The following CBFA2T2 variants were observed in gnomAD, a reference collection of about 807,000 sequenced individuals.
The protein encoded by CBFA2T2 is CBFA2/RUNX1 partner transcriptional co-repressor 2.
In CBFA2T2, 11 loss-of-function variants were observed where a neutral mutation model predicts 62.2. The observed-to-expected ratio is 0.18, with a 90% confidence interval of 0.11 to 0.29. The LOEUF (loss-of-function observed/expected upper bound fraction) is 0.29, where lower values mean the gene tolerates loss of function less well. Among genes scored for constraint, CBFA2T2 ranks in the 10% least tolerant of loss-of-function variants. CBFA2T2 has a pLI of 1.00. For missense variants in CBFA2T2, 592 were observed against 774.1 expected (o/e 0.76, Z 2.79); for synonymous variants, 295 against 287.5 (o/e 1.03, Z -0.27).
At chr20:33,577,945 T>C (rs1423068114) in intron 1 of CBFA2T2, among the ~76,000 whole-genome samples, 2 of 152,220 alleles carry the variant, frequency 1.3e-5, no homozygotes, top group Non-Finnish European at 2.9e-5. Context: ...GCTATTACTA[T>C]TATAGTTATT....
chr20:33,600,533 T>C, intron 1 of CBFA2T2: 1 of 371,046 alleles, frequency 2.7e-6, no homozygotes, highest in Non-Finnish European at 5.3e-6. Context: ...AACATTTACC[T>C]ATGCTTGGCA....
intron 1 of CBFA2T2, among the ~76,000 whole-genome samples, chr20:33,515,883 C>T (rs551279883): frequency 6.6e-6 from 1 of 151,328 alleles, no homozygotes; most frequent in East Asian, 1.9e-4. Context: ...ATTACAGTGT[C>T]GAGAAGGCTC....
intron 1 of CBFA2T2, among the ~76,000 whole-genome samples, chr20:33,495,561 G>A (rs779783171): frequency 3.3e-5 from 5 of 151,704 alleles, no homozygotes; most frequent in African/African-American, 4.8e-5. Context: ...GCGTGGTGGC[G>A]GGTTCCTGTA....
chr20:33,560,922 G>C (rs1403104807), intron 1 of CBFA2T2, among the ~76,000 whole-genome samples: 2 of 152,044 alleles, frequency 1.3e-5, no homozygotes, highest in African/African-American at 4.8e-5. Context: ...TCTGTCACCA[G>C]GCTGGAGTGC....
In CBFA2T2 at chr20:33,536,275, C is replaced by T. The variant is rs1336444162; in HGVS notation, c.34+45974C>T. Among the ~76,000 whole-genome samples, 6 of 146,916 alleles carry T rather than the reference C, an allele frequency of 4.1e-5. No individual in the cohort carries two copies. In the East Asian group the frequency reaches 5.9e-4, roughly 15 times the overall value. Reference sequence around the variant, plus strand: ...GCAGAGGCGCCCCTCATCTCCCAGACGGGGCGGCTGGCCGGGCGGGGGGCT... The same window carrying T: ...GCAGAGGCGCCCCTCATCTCCCAGATGGGGCGGCTGGCCGGGCGGGGGGCT... On this transcript the variant is annotated intron_variant, in intron 1 of 10. Coordinates refer to ENST00000342704, the MANE Select transcript of CBFA2T2 (RefSeq NM_001032999.3).
intron 6 of CBFA2T2, among the ~76,000 whole-genome samples, chr20:33,627,177 C>T (rs7264170): frequency 5.1e-3 from 769 of 152,116 alleles, no homozygotes; most frequent in Non-Finnish European, 6.7e-3. Flanking sequence ...GTGGGCGAAT[C>T]GTGAGGTCAG....
chr20:33,511,207 G>T (rs2146854445), intron 1 of CBFA2T2, among the ~76,000 whole-genome samples: 1 of 152,206 alleles, frequency 6.6e-6, no homozygotes, highest in Middle Eastern at 3.4e-3. Flanking sequence ...TGAAGTCCTT[G>T]CCCATACCTG....
chr20:33,522,243 G>A (rs148545892), intron 1 of CBFA2T2, among the ~76,000 whole-genome samples: 211 of 149,402 alleles, frequency 1.4e-3, no homozygotes, highest in African/African-American at 4.9e-3. Flanking sequence ...CCAGGGCCTG[G>A]TTCCTTGGAG....
intron 10 of CBFA2T2, among the ~76,000 whole-genome samples, chr20:33,642,317 T>C (rs2016888512): frequency 6.6e-6 from 1 of 152,154 alleles, no homozygotes; most frequent in East Asian, 1.9e-4. Context: ...GAATTGTTTT[T>C]GAGGCTGGGC....
At position 33,644,364 on chromosome 20, in the gene CBFA2T2, C is replaced by A. The variant is rs772174226; in HGVS notation, c.1506C>A (p.Gly502=). 1.2e-6 allele frequency: 2 copies of A among 1,611,008 alleles called. No homozygotes were observed. Among genetic ancestry groups the A allele is most frequent in the South Asian group, 1.1e-5 (1 of 90,900 alleles). ...EESTENCWNC[G]RKASETCSGC... Reference sequence around the variant, plus strand: ...TCTTGCAGAACTGCTGGAACTGTGGCCGCAAAGCCAGCGAGACATGCAGTG... The same window carrying A: ...TCTTGCAGAACTGCTGGAACTGTGGACGCAAAGCCAGCGAGACATGCAGTG... Residue 502 remains glycine, a synonymous_variant, in exon 11 of 11, where the codon GGC becomes GGA. Coordinates refer to ENST00000342704, the MANE Select transcript of CBFA2T2 (RefSeq NM_001032999.3).
intron 1 of CBFA2T2, among the ~76,000 whole-genome samples, chr20:33,553,618 G>A (rs954210911): frequency 2.0e-5 from 3 of 152,178 alleles, no homozygotes; most frequent in Admixed American, 6.5e-5. Flanking sequence ...TGCTAATGCG[G>A]CAGGAAAGCA....
chr20:33,491,902 C>CG (rs1387368849), intron 1 of CBFA2T2, among the ~76,000 whole-genome samples: 1 of 151,350 alleles, frequency 6.6e-6, no homozygotes, highest in East Asian at 1.9e-4. Flanking sequence ...TTTTTTGAGA[C>CG]GGAGTTTTGT....
At position 33,490,246 on chromosome 20, in the gene CBFA2T2, C is replaced by T; in HGVS notation, c.-22C>T. Reference sequence around the variant, plus strand: ...CCGTGTCGCGGGTAGAGGCGGGCGGCGCGCGGCGGCGGCGCTCGGCGATGG... The same window carrying T: ...CCGTGTCGCGGGTAGAGGCGGGCGGTGCGCGGCGGCGGCGCTCGGCGATGG... On this transcript the variant is annotated 5_prime_UTR_variant, in exon 1 of 11. Coordinates refer to ENST00000342704, the MANE Select transcript of CBFA2T2 (RefSeq NM_001032999.3). 1 of 1,232,266 alleles carries T rather than the reference C, an allele frequency of 8.1e-7. No individual in the cohort carries two copies. The allele number at this position is 1,232,266 out of a possible 1,614,324, so 76.3% of individuals were successfully genotyped here.
chr20:33,625,171 A>T (rs1340053461), intron 6 of CBFA2T2, among the ~76,000 whole-genome samples, 154 bp downstream of exon 6: 1 of 151,972 alleles, frequency 6.6e-6, no homozygotes, highest in Non-Finnish European at 1.5e-5. Context: ...ATCTTATTTG[A>T]TATCAATCTC....
intron 1 of CBFA2T2, among the ~76,000 whole-genome samples, chr20:33,548,272 A>C (rs2012635878): frequency 6.7e-6 from 1 of 149,174 alleles, no homozygotes; most frequent in South Asian, 2.1e-4. Flanking sequence ...TTTGAGATGG[A>C]GTCTACTCTG....
intron 1 of CBFA2T2, among the ~76,000 whole-genome samples, chr20:33,501,596 TG>T (rs990202135): frequency 8.2e-5 from 12 of 147,128 alleles, no homozygotes; most frequent in Non-Finnish European, 1.7e-4. Context: ...TAAGTTGGTC[TG>T]GCTAAGTAGT....
At chr20:33,609,990 A>G (rs995616812) in intron 2 of CBFA2T2, among the ~76,000 whole-genome samples, 1 of 152,238 alleles carries the variant, frequency 6.6e-6, no homozygotes, top group Non-Finnish European at 1.5e-5. Flanking sequence ...GCCAACAAGA[A>G]CGTAGCTCAG....
chr20:33,501,966 A>G (rs907585020), intron 1 of CBFA2T2, among the ~76,000 whole-genome samples: 5 of 151,056 alleles, frequency 3.3e-5, no homozygotes, highest in African/African-American at 1.2e-4. Context: ...TTAATTTTTT[A>G]TTTTGTAGAG....
intron 5 of CBFA2T2, 101 bp downstream of exon 5, chr20:33,623,397 C>T (rs1033732450): frequency 7.1e-7 from 1 of 1,405,050 alleles, no homozygotes; most frequent in African/African-American, 1.4e-5. Context: ...GTTGTAATGT[C>T]TCAAACTTTT....
Sources: gnomAD v4.1 joint callset for allele counts (sites outside exome capture counted in the v4.1 genomes callset) on GRCh38, gnomAD v4.1.1 for gene constraint, MANE v1.5 for transcripts, NCBI Gene and HGNC (gene_info 2026-07-23, HGNC 2026-07-21) for gene names.